Variants in SELENOT observed in about 807,000 individuals in gnomAD.
The protein encoded by SELENOT is selenoprotein T, also known as thioredoxin reductase-like selenoprotein T.
In SELENOT, 9 loss-of-function variants were observed where a neutral mutation model predicts 24.3. The observed-to-expected ratio is 0.37, with a 90% CI of 0.22 to 0.65. SELENOT has a LOEUF of 0.65. Among genes scored for constraint, SELENOT ranks in the 30% least tolerant of loss-of-function variants. SELENOT has a pLI of 0.60. For synonymous variants in SELENOT, 81 were observed against 86.0 expected (o/e 0.94, Z 0.32); for missense variants, 166 against 247.6 (o/e 0.67, Z 2.21).
At chr3:150,619,220 CAA>C (rs761458301) in intron 1 of SELENOT, among the ~76,000 whole-genome samples, 14 of 80,464 alleles carry the variant, frequency 1.7e-4, no homozygotes, top group Admixed American at 5.3e-4. Context: ...GACTCCGTCT[CAA>C]AAAAAAAAAA....
intron 1 of SELENOT, among the ~76,000 whole-genome samples, chr3:150,603,957 G>A (rs1239743050): frequency 2.0e-5 from 3 of 152,248 alleles, no homozygotes; most frequent in African/African-American, 7.2e-5. Flanking sequence ...CTGGCTAGAT[G>A]AAGGTTAATT....
chr3:150,626,893 T>C (rs1726457017), intron 4 of SELENOT, 117 bp from the exon 5 acceptor site: 5 of 1,011,752 alleles, frequency 4.9e-6, no homozygotes, highest in Non-Finnish European at 7.1e-6. Flanking sequence ...AGCAGTGTAC[T>C]TTTTTGCCTA....
chr3:150,603,636 G>A (rs1417069240), intron 1 of SELENOT, 137 bp downstream of exon 1: 2 of 1,058,406 alleles, frequency 1.9e-6, no homozygotes, highest in Non-Finnish European at 2.6e-6. Flanking sequence ...CCCTTCCACA[G>A]CCAGCCTTCT....
intron 1 of SELENOT, among the ~76,000 whole-genome samples, chr3:150,617,783 CA>C (rs77500541): frequency 6.6e-6 from 1 of 150,624 alleles, no homozygotes; most frequent in East Asian, 2.0e-4. Flanking sequence ...TAAAAAAAAA[CA>C]AAAAAAAACT....
chr3:150,623,383 T>C (rs1191776306), intron 3 of SELENOT, among the ~76,000 whole-genome samples: 1 of 152,150 alleles, frequency 6.6e-6, no homozygotes, highest in Non-Finnish European at 1.5e-5. Context: ...TTAATCTTTT[T>C]ATTTTGGGGG....
At chr3:150,617,483 C>T (rs750018026) in intron 1 of SELENOT, among the ~76,000 whole-genome samples, 11 of 152,136 alleles carry the variant, frequency 7.2e-5, no homozygotes, top group Admixed American at 2.0e-4. Flanking sequence ...GCCTATAGTA[C>T]CAGTTATTGA....
chr3:150,620,209 A>C (rs1726309175), intron 1 of SELENOT, among the ~76,000 whole-genome samples: 1 of 152,162 alleles, frequency 6.6e-6, no homozygotes, highest in African/African-American at 2.4e-5. Context: ...TGAGTCTCTT[A>C]GGGTTTCCCT....
rs1253451269 is a variant in SELENOT at position 150,628,901 on chromosome 3, C to T, written c.*1272C>T. 1 of 151,968 alleles carries T rather than the reference C, an allele frequency of 6.6e-6. No individual in the cohort carries two copies. Among genetic ancestry groups the T allele is most frequent in the Non-Finnish European group, 1.5e-5 (1 of 67,976 alleles). 9.4% of individuals were successfully genotyped at this position (151,968 alleles called of 1,614,324 possible). A position where few individuals can be genotyped will look rare whatever the true frequency, so the allele number is the denominator to read the frequency against. ...AGGTACAGGTTGAGTATCCCTTTTC[C>T]AAAAATGCTTGGGACAAGAAGTATT... is the stretch of plus-strand genomic sequence containing the variant. On this transcript the variant is annotated 3_prime_UTR_variant, in exon 6 of 6. Transcript: ENST00000471696.
intron 1 of SELENOT, among the ~76,000 whole-genome samples, chr3:150,605,684 C>A (rs1368388222): frequency 1.3e-5 from 2 of 151,796 alleles, no homozygotes; most frequent in African/African-American, 4.8e-5. Flanking sequence ...TTAATAAGAC[C>A]CACCAAATAC....
At chr3:150,614,493 G>A (rs1230645947) in intron 1 of SELENOT, 2 of 154,278 alleles carry the variant, frequency 1.3e-5, no homozygotes, top group African/African-American at 2.4e-5. Context: ...ATGAAAATAC[G>A]AAAAGTAGAC....
intron 1 of SELENOT, among the ~76,000 whole-genome samples, chr3:150,620,682 C>G (rs997620789): frequency 1.3e-5 from 2 of 152,176 alleles, no homozygotes; most frequent in Non-Finnish European, 1.5e-5. Context: ...CTCTAGTTCT[C>G]AAATTACTGC....
At chr3:150,615,194 T>C (rs9865679) in intron 1 of SELENOT, among the ~76,000 whole-genome samples, 109,496 of 149,964 alleles carry the variant, frequency 0.73, 40,816 homozygotes, top group East Asian at 1. Context: ...AGGACATGAA[T>C]GCATCATTTT....
chr3:150,620,099 C>T (rs1255722814), intron 1 of SELENOT, among the ~76,000 whole-genome samples: 1 of 152,142 alleles, frequency 6.6e-6, no homozygotes, highest in African/African-American at 2.4e-5. Context: ...GCCTGATGAA[C>T]CAAGTAGATT....
intron 4 of SELENOT, among the ~76,000 whole-genome samples, chr3:150,626,355 G>A (rs1726445413): frequency 6.6e-6 from 1 of 152,156 alleles, no homozygotes; most frequent in African/African-American, 2.4e-5. Flanking sequence ...TCTGCTGCTT[G>A]TTTTGTAAGT....
chr3:150,623,520 C>T (rs1381929212), intron 3 of SELENOT, among the ~76,000 whole-genome samples: 2 of 151,916 alleles, frequency 1.3e-5, no homozygotes, highest in African/African-American at 2.4e-5. Flanking sequence ...CCTTTTAAAC[C>T]AATTAATGTC....
chr3:150,616,006 A>G (rs1203366583), intron 1 of SELENOT, among the ~76,000 whole-genome samples: 1 of 152,196 alleles, frequency 6.6e-6, no homozygotes, highest in Admixed American at 6.5e-5. Flanking sequence ...ACAGAGATAT[A>G]GATCAATGGA....
chr3:150,611,277 A>G, intron 1 of SELENOT: 4 of 1,280,722 alleles, frequency 3.1e-6, no homozygotes, highest in Non-Finnish European at 4.5e-6. Flanking sequence ...CACCACTATC[A>G]ACCTTGAGAT....
At chr3:150,611,923 C>T in intron 1 of SELENOT, 1 of 947,704 alleles carries the variant, frequency 1.1e-6, no homozygotes, top group South Asian at 1.5e-5. Context: ...TCCCCACTCT[C>T]CTGGCCGCTC....
At chr3:150,618,769 C>CT (rs984068770) in intron 1 of SELENOT, 1 of 152,746 alleles carries the variant, frequency 6.5e-6, no homozygotes, top group African/African-American at 2.4e-5. Context: ...AGTGAACCTC[C>CT]TGCCTCAGCC....
Sources: allele counts gnomAD v4.1 joint callset (sites outside exome capture counted in the v4.1 genomes callset), GRCh38; gene constraint gnomAD v4.1.1; transcripts MANE v1.5; gene names NCBI Gene and HGNC (gene_info 2026-07-23, HGNC 2026-07-21).